Variants in C2orf76 observed in about 807,000 individuals in gnomAD.
C2orf76 encodes the protein UPF0538 protein C2orf76.
C2orf76 carries 23 observed loss-of-function variants against 16.9 expected under a neutral mutation model. The observed-to-expected ratio is 1.36, with a 90% CI of 0.98 to 1.93. The LOEUF (loss-of-function observed/expected upper bound fraction) is 1.93, where lower values mean the gene tolerates loss of function less well. Ranked by LOEUF, C2orf76 falls within the 30% of genes most tolerant of loss-of-function variation. The pLI, the probability that C2orf76 is intolerant of heterozygous loss-of-function variation, is 0.00. For synonymous variants in C2orf76, 48 were observed against 52.3 expected (o/e 0.92, Z 0.35); for missense variants, 152 against 152.6 (o/e 1.00, Z 0.02).
At chr2:119,346,948 A>G (rs768978332) in intron 1 of C2orf76, among the ~76,000 whole-genome samples, 31 of 152,262 alleles carry the variant, frequency 2.0e-4, no homozygotes, top group Non-Finnish European at 3.7e-4. Flanking sequence ...GGATCTCTGT[A>G]TTATTTCCTA....
rs185874150 is a variant in C2orf76, at chr2:119,319,170, T to C, written c.185-1667A>G. 1.8e-4 allele frequency among the ~76,000 whole-genome samples: 27 copies of C among 152,298 alleles called. No individual in the cohort carries two copies. In the East Asian group the frequency reaches 4.8e-3, roughly 27 times the overall value. On this transcript the variant is annotated intron_variant, in intron 3 of 5. Coordinates refer to ENST00000334816, the MANE Select transcript of C2orf76 (RefSeq NM_001322331.2). ...TACTAAATATTAATCCTGTTCTATA[T>C]ATTTTGCTAATGAGCCTTTAAACTA...
At chr2:119,342,839 C>T (rs1680077976) in intron 1 of C2orf76, among the ~76,000 whole-genome samples, 1 of 151,992 alleles carries the variant, frequency 6.6e-6, no homozygotes, top group Admixed American at 6.6e-5. Context: ...TGGCTCACTG[C>T]AACGTCCCTC....
chr2:119,324,251 G>T (rs1252384410), intron 2 of C2orf76, among the ~76,000 whole-genome samples: 1 of 152,208 alleles, frequency 6.6e-6, no homozygotes, highest in Non-Finnish European at 1.5e-5. Flanking sequence ...TGAGAGAAGA[G>T]ACAACGACCA....
intron 2 of C2orf76, among the ~76,000 whole-genome samples, chr2:119,335,932 C>A (rs1679830643): frequency 6.6e-6 from 1 of 152,040 alleles, no homozygotes; most frequent in Non-Finnish European, 1.5e-5. Context: ...ATTTGGAAAC[C>A]AGATCTAAAG....
chr2:119,292,851 A>G, the C2orf76 span, among the ~76,000 whole-genome samples: 1 of 152,126 alleles, frequency 6.6e-6, no homozygotes, highest in Non-Finnish European at 1.5e-5. Context: ...CCTGGCCAAC[A>G]TAGTGAAACT....
At chr2:119,301,844 A>G (rs1678628385), downstream of C2orf76, among the ~76,000 whole-genome samples, 1 of 152,028 alleles carries the variant, frequency 6.6e-6, no homozygotes, top group Admixed American at 6.6e-5. Context: ...TTCTTCCTGA[A>G]GATGGAAAAC....
At chr2:119,337,669 C>T (rs1392628409) in intron 2 of C2orf76, among the ~76,000 whole-genome samples, 3 of 152,074 alleles carry the variant, frequency 2.0e-5, no homozygotes, top group African/African-American at 7.2e-5. Context: ...GGACACAGAG[C>T]CCACAACTCA....
chr2:119,356,686 A>G (rs1035484125), intron 1 of C2orf76, among the ~76,000 whole-genome samples: 1 of 152,050 alleles, frequency 6.6e-6, no homozygotes, highest in South Asian at 2.1e-4. Context: ...GAAAAACAAT[A>G]GAAAATCCAT....
rs35908652 is a variant in C2orf76, at chr2:119,326,598, G to GA, written c.134-5395dup. On this transcript the variant is annotated intron_variant, in intron 2 of 5. Transcript: ENST00000334816. ...GAATAAGTTTGGTATTATCTGAAAG[G>GA]AAAAAAAAAAGCCTGCCAGAATTTT... Among the ~76,000 whole-genome samples, 676 of 149,980 alleles carry GA rather than the reference G, an allele frequency of 4.5e-3. 5 individuals carry two copies. The highest frequency in any genetic ancestry group is 8.7e-3 in the East Asian group (44 of 5,066).
intron 4 of C2orf76, among the ~76,000 whole-genome samples, chr2:119,314,324 T>G (rs1267609744): frequency 6.6e-6 from 1 of 152,188 alleles, no homozygotes; most frequent in East Asian, 1.9e-4. Flanking sequence ...ATGTTCCATC[T>G]GTTTCATCTC....
chr2:119,345,472 C>T (rs1573670863), intron 1 of C2orf76, among the ~76,000 whole-genome samples: 1 of 152,070 alleles, frequency 6.6e-6, no homozygotes, highest in African/African-American at 2.4e-5. Context: ...ATTTGTCTAC[C>T]CTTTGATATG....
the C2orf76 span, among the ~76,000 whole-genome samples, chr2:119,290,177 C>T: frequency 2.0e-5 from 3 of 151,608 alleles, no homozygotes; most frequent in Admixed American, 6.6e-5. Flanking sequence ...TAAAGGACAG[C>T]TTCCAAGCCC....
chr2:119,337,697 A>G (rs987062487), intron 2 of C2orf76, among the ~76,000 whole-genome samples: 1 of 152,140 alleles, frequency 6.6e-6, no homozygotes, highest in Non-Finnish European at 1.5e-5. Flanking sequence ...CTGTACCCCA[A>G]AAGTTCACCT....
At chr2:119,322,633 A>G (rs1279057790) in intron 2 of C2orf76, among the ~76,000 whole-genome samples, 1 of 152,206 alleles carries the variant, frequency 6.6e-6, no homozygotes, top group East Asian at 1.9e-4. Context: ...TCCTTCAATT[A>G]GGTACTCGTT....
At position 119,366,811 on chromosome 2, in the gene C2orf76, G is replaced by C. The variant is rs572132650; in HGVS notation, c.-34C>G. 2.2e-5 allele frequency: 13 copies of C among 583,068 alleles called. No individual in the cohort carries two copies. Among genetic ancestry groups the C allele is most frequent in the South Asian group, 1.9e-4 (9 of 47,066 alleles). 36.1% of individuals were successfully genotyped at this position (583,068 alleles called of 1,614,324 possible). A position where few individuals can be genotyped will look rare whatever the true frequency, so the allele number is the denominator to read the frequency against. On this transcript the variant is annotated 5_prime_UTR_variant, in exon 1 of 6. Transcript: ENST00000334816. ...CCACCTGTTCCCGGCGTCCCCTTCG[G>C]CTACTCCCGGCGTTTGCGCAAGCGG... is the stretch of plus-strand genomic sequence containing the variant.
chr2:119,340,913 T>TAAA (rs59470520), intron 1 of C2orf76, among the ~76,000 whole-genome samples: 5 of 143,616 alleles, frequency 3.5e-5, no homozygotes, highest in African/African-American at 7.7e-5. Flanking sequence ...AGCAAACAGT[T>TAAA]AAAAAAAAAA....
chr2:119,360,562 G>A (rs1680714215), intron 1 of C2orf76, among the ~76,000 whole-genome samples: 1 of 148,756 alleles, frequency 6.7e-6, no homozygotes, highest in Non-Finnish European at 1.5e-5. Flanking sequence ...TACGTATAGT[G>A]TAAACATAAC....
downstream of C2orf76, among the ~76,000 whole-genome samples, chr2:119,301,899 TG>T (rs547182657): frequency 2.5e-4 from 38 of 150,976 alleles, no homozygotes; most frequent in African/African-American, 8.7e-4. Context: ...CAACATTATT[TG>T]TATAGGCTGC....
intron 1 of C2orf76, among the ~76,000 whole-genome samples, chr2:119,348,717 C>T (rs1357196299): frequency 6.0e-5 from 9 of 151,198 alleles, no homozygotes; most frequent in Admixed American, 5.3e-4. Flanking sequence ...TTAAAGGGCT[C>T]GGTGCCGTGG....
Sources: gnomAD v4.1 joint callset for allele counts (sites outside exome capture counted in the v4.1 genomes callset) on GRCh38, gnomAD v4.1.1 for gene constraint, MANE v1.5 for transcripts, NCBI Gene and HGNC (gene_info 2026-07-23, HGNC 2026-07-21) for gene names.